CDH10: variants seen among roughly 807,000 people sequenced by gnomAD.
CDH10 encodes cadherin-10.
A neutral mutation model predicts 73.1 loss-of-function variants in CDH10; 30 were observed. The ratio of observed to expected loss-of-function variants is 0.41; its 90% CI spans 0.31 to 0.56. CDH10 has a LOEUF of 0.56. Among genes scored for constraint, CDH10 ranks in the 20% least tolerant of loss-of-function variants. The pLI is 0.27. For missense variants in CDH10, 815 were observed against 973.7 expected, an observed-to-expected ratio of 0.84 and a Z score of 2.17; for synonymous variants, 345 against 348.2, an observed-to-expected ratio of 0.99 and a Z score of 0.10.
At chr5:24,544,347 T>A (rs1045415443) in intron 2 of CDH10, among the ~76,000 whole-genome samples, 1 of 152,010 alleles carries the variant, frequency 6.6e-6, no homozygotes, top group African/African-American at 2.4e-5. Flanking sequence ...AACAATGAAA[T>A]AGATTATAAA....
At chr5:24,605,640 T>G (rs1211816152) in intron 1 of CDH10, among the ~76,000 whole-genome samples, 3 of 152,230 alleles carry the variant, frequency 2.0e-5, no homozygotes, top group Non-Finnish European at 4.4e-5. Context: ...TCATAGACAC[T>G]TTAGAAAACA....
intron 5 of CDH10, among the ~76,000 whole-genome samples, chr5:24,522,089 G>A (rs1410107944): frequency 6.6e-6 from 1 of 152,020 alleles, no homozygotes; most frequent in East Asian, 1.9e-4. Flanking sequence ...AGCCGCAATT[G>A]TGCCACTGCA....
At chr5:24,633,792 C>T (rs1284011974) in intron 1 of CDH10, among the ~76,000 whole-genome samples, 1 of 151,726 alleles carries the variant, frequency 6.6e-6, no homozygotes, top group Non-Finnish European at 1.5e-5. Context: ...TTTTCAATGT[C>T]ATCTTATAAC....
At chr5:24,544,989 G>C (rs1392176081) in intron 2 of CDH10, among the ~76,000 whole-genome samples, 5 of 152,110 alleles carry the variant, frequency 3.3e-5, no homozygotes, top group African/African-American at 1.2e-4. Flanking sequence ...CTGCTTCAAA[G>C]GTCAACAATT....
At position 24,488,069 on chromosome 5, in the gene CDH10, A is replaced by G. The variant is rs1579705150; in HGVS notation, c.1961T>C (p.Ile654Thr). The part of the protein sequence containing the change: ...ILSKEDIRDN[I>T]VSYNDEGGGE... Reference sequence around the variant, plus strand: ...ACCACCCTCATCGTTATAGCTCACAATGTTGTCTCTGATATCTTCTTTTGA... The same window carrying G: ...ACCACCCTCATCGTTATAGCTCACAGTGTTGTCTCTGATATCTTCTTTTGA... The change falls in exon 12 of 12, where the codon ATT (isoleucine) becomes ACT (threonine). Residue 654 changes from isoleucine (I) to threonine (T), a missense_variant. By Grantham distance (89) the Ile-to-Thr change is moderately conservative (BLOSUM62 -1). Around this residue, in one of 3 missense-constraint regions of CDH10, gnomAD observed 241 missense variants for 240.3 expected, o/e 1.00. Transcript: ENST00000264463. 5 of 1,613,720 alleles carry G rather than the reference A, an allele frequency of 3.1e-6. No individual in the cohort carries two copies. The highest frequency in any genetic ancestry group is 2.2e-5 in the East Asian group (1 of 44,880).
chr5:24,566,551 A>G (rs531617349), intron 2 of CDH10, among the ~76,000 whole-genome samples: 2 of 152,134 alleles, frequency 1.3e-5, no homozygotes, highest in Non-Finnish European at 1.5e-5. Flanking sequence ...ATTAGACCCC[A>G]AAGTATATAG....
chr5:24,594,160 T>C (rs752091542), intron 1 of CDH10, among the ~76,000 whole-genome samples: 8 of 151,934 alleles, frequency 5.3e-5, no homozygotes, highest in Non-Finnish European at 8.8e-5. Flanking sequence ...TCCTTTGAAG[T>C]GCTCTCCTCT....
At chr5:24,508,485 C>T (rs1742778267) in intron 7 of CDH10, among the ~76,000 whole-genome samples, 1 of 152,116 alleles carries the variant, frequency 6.6e-6, no homozygotes, top group Non-Finnish European at 1.5e-5. Context: ...AGGGGAGTTT[C>T]TAAAATCATA....
intron 5 of CDH10, among the ~76,000 whole-genome samples, chr5:24,532,104 G>GA: frequency 6.6e-6 from 1 of 152,002 alleles, no homozygotes; most frequent in Non-Finnish European, 1.5e-5. Context: ...TAAAATAAAT[G>GA]AAAAAATAAA....
chr5:24,501,325 G>C (rs2111703139), intron 8 of CDH10, among the ~76,000 whole-genome samples: 1 of 152,238 alleles, frequency 6.6e-6, no homozygotes, highest in South Asian at 2.1e-4. Context: ...AAAATCAAAA[G>C]CTAAATCCAC....
intron 5 of CDH10, among the ~76,000 whole-genome samples, chr5:24,524,677 G>A (rs1408802603): frequency 6.6e-6 from 1 of 151,988 alleles, no homozygotes; most frequent in African/African-American, 2.4e-5. Flanking sequence ...ACCCATTTAA[G>A]CACAAAGGCA....
At chr5:24,595,556 T>C (rs1579455316) in intron 1 of CDH10, among the ~76,000 whole-genome samples, 1 of 151,860 alleles carries the variant, frequency 6.6e-6, no homozygotes, top group East Asian at 1.9e-4. Context: ...GGAACTCAAA[T>C]TGATTGGATT....
chr5:24,615,359 C>T (rs1747094609), intron 1 of CDH10, among the ~76,000 whole-genome samples: 1 of 152,170 alleles, frequency 6.6e-6, no homozygotes, highest in South Asian at 2.1e-4. Context: ...CAAAGACATT[C>T]TTGATCAGTT....
chr5:24,605,210 T>C (rs1029045526), intron 1 of CDH10, among the ~76,000 whole-genome samples: 2 of 152,294 alleles, frequency 1.3e-5, no homozygotes, highest in East Asian at 3.9e-4. Flanking sequence ...TAAGAAGACA[T>C]TACCAAGTGT....
rs138384139 is a variant in CDH10, at chr5:24,496,416, T to C, written c.1515+1982A>G. ...TGAGGTCCTCTGACTCTCTCTGAGA[T>C]GGAAAAGGTGAAGGGTCAAGCAGCC... On this transcript the variant is annotated intron_variant, in intron 9 of 11. Coordinates refer to ENST00000264463, the MANE Select transcript of CDH10 (RefSeq NM_006727.5). Among the ~76,000 whole-genome samples, 50 of 152,186 alleles carry C rather than the reference T, an allele frequency of 3.3e-4. 1 individual carries two copies. In the East Asian group the frequency reaches 9.5e-3, roughly 29 times the overall value.
chr5:24,508,658 A>G (rs1486611124), intron 7 of CDH10, among the ~76,000 whole-genome samples: 1 of 147,840 alleles, frequency 6.8e-6, no homozygotes, highest in African/African-American at 2.7e-5. Flanking sequence ...AGATGGGACT[A>G]TAAGTGTGCA....
intron 2 of CDH10, among the ~76,000 whole-genome samples, chr5:24,556,199 G>A (rs1744763015): frequency 6.6e-6 from 1 of 151,992 alleles, no homozygotes; most frequent in Non-Finnish European, 1.5e-5. Flanking sequence ...AGCCATTATG[G>A]AAACCCAATC....
chr5:24,537,954 G>A (rs1408166405), intron 2 of CDH10, among the ~76,000 whole-genome samples: 1 of 151,876 alleles, frequency 6.6e-6, no homozygotes, highest in Non-Finnish European at 1.5e-5. Context: ...ATTTTTATGG[G>A]CAAATAAATT....
chr5:24,597,516 G>A (rs1408978173), intron 1 of CDH10, among the ~76,000 whole-genome samples: 3 of 151,988 alleles, frequency 2.0e-5, no homozygotes, highest in East Asian at 3.9e-4. Context: ...AGTACTCTAA[G>A]GCCTTTTTCC....
Sources: allele counts gnomAD v4.1 joint callset (sites outside exome capture counted in the v4.1 genomes callset), GRCh38; gene constraint gnomAD v4.1.1; regional missense constraint gnomAD v4.1.1; transcripts MANE v1.5; gene names NCBI Gene and HGNC (gene_info 2026-07-23, HGNC 2026-07-21).